Variants in NDUFA7 observed in about 807,000 individuals in gnomAD.
The protein encoded by NDUFA7 is NADH:ubiquinone oxidoreductase subunit A7.
A neutral mutation model predicts 14.2 loss-of-function variants in NDUFA7; 18 were observed. The ratio of observed to expected loss-of-function variants is 1.27; its 90% CI spans 0.88 to 1.88. The LOEUF is 1.88. NDUFA7 is among the 40% of genes most tolerant of loss of function. NDUFA7 has a pLI of 0.00. For missense variants in NDUFA7, 172 were observed against 147.3 expected (o/e 1.17, Z -0.87); for synonymous variants, 75 against 62.1 (o/e 1.21, Z -0.98).
chr19:8,312,709 T>C (rs764614969), intron 3 of NDUFA7, among the ~76,000 whole-genome samples: 2 of 152,208 alleles, frequency 1.3e-5, no homozygotes, highest in Non-Finnish European at 2.9e-5. Context: ...TCACCCAGGC[T>C]GGAGTGCAGT....
intron 3 of NDUFA7, among the ~76,000 whole-genome samples, chr19:8,312,504 A>C (rs1170958656): frequency 6.6e-6 from 1 of 152,198 alleles, no homozygotes; most frequent in Non-Finnish European, 1.5e-5. Context: ...TTTTTGAGAC[A>C]GACTCTTGCT....
chr19:8,319,742 A>T (rs1196597428), intron 2 of NDUFA7, among the ~76,000 whole-genome samples: 1 of 151,980 alleles, frequency 6.6e-6, no homozygotes, highest in East Asian at 1.9e-4. Context: ...TTATACCATT[A>T]TCCCTTTCCC....
At position 8,314,422 on chromosome 19, in the gene NDUFA7, A is replaced by G. The variant is rs540660760; in HGVS notation, c.251+2074T>C. ...CCCCGGACTTCATCTGTTTTGTAGG[A>G]TGCAGAGTCCTGGCTGAGGCGCTAA... On this transcript the variant is annotated intron_variant, in intron 3 of 3. Coordinates refer to ENST00000301457, the MANE Select transcript of NDUFA7 (RefSeq NM_005001.5). 3.4e-4 allele frequency among the ~76,000 whole-genome samples: 52 copies of G among 152,290 alleles called. 1 individual carries two copies. Among genetic ancestry groups the G allele is most frequent in the African/African-American group, 1.3e-3 (52 of 41,556 alleles).
chr19:8,313,885 TATTA>T (rs1203103889), intron 3 of NDUFA7, among the ~76,000 whole-genome samples: 1 of 152,240 alleles, frequency 6.6e-6, no homozygotes, highest in Non-Finnish European at 1.5e-5. Context: ...AGTTTACAAA[TATTA>T]ATTATGAGGA....
rs546380229 is a variant in NDUFA7 at position 8,317,851 on chromosome 19, T to G, written c.102-1206A>C. 1.4e-3 allele frequency among the ~76,000 whole-genome samples: 218 copies of G among 152,248 alleles called. 11 individuals carry two copies. In the South Asian group the frequency reaches 0.044, roughly 31 times the overall value. Reference sequence around the variant, plus strand: ...GCTAAAAACAATTTTTCTATTGTTTTTGTGGAGTCGGGGGTCTTGCTATGT... The same window carrying G: ...GCTAAAAACAATTTTTCTATTGTTTGTGTGGAGTCGGGGGTCTTGCTATGT... On this transcript the variant is annotated intron_variant, in intron 2 of 3. Transcript: ENST00000301457.
rs1970266128 is a variant in NDUFA7 at position 8,318,788 on chromosome 19, T to C, written c.101+2069A>G. Among the ~76,000 whole-genome samples, 3 of 147,186 alleles carry C rather than the reference T, an allele frequency of 2.0e-5. No individual in the cohort carries two copies. The South Asian group carries it at 6.5e-4, about 32-fold the overall frequency. ...AGAGATCAGACCATCCTGGCAAACA[T>C]GGTGAAACCCCGTCACTACTAAAAA... On this transcript the variant is annotated intron_variant, in intron 2 of 3. Transcript: ENST00000301457.
intron 1 of NDUFA7, 115 bp downstream of exon 1, chr19:8,321,193 G>T (rs1970304051): frequency 1.6e-6 from 2 of 1,277,358 alleles, no homozygotes; most frequent in Non-Finnish European, 2.1e-6. Context: ...GGTTCCCAGG[G>T]AGATTCGGGG....
At chr19:8,315,774 G>A (rs574886401) in intron 3 of NDUFA7, among the ~76,000 whole-genome samples, 4 of 152,116 alleles carry the variant, frequency 2.6e-5, no homozygotes, top group African/African-American at 9.6e-5. Flanking sequence ...TCCACCTAAC[G>A]AGGAACACCC....
chr19:8,316,462 G>C (rs760613363), intron 3 of NDUFA7, 34 bp downstream of exon 3: 2 of 1,609,446 alleles, frequency 1.2e-6, no homozygotes, highest in Admixed American at 3.3e-5. Flanking sequence ...GAGGGGGCAT[G>C]GGGGCTGTGG....
chr19:8,320,453 T>C (rs1248080383), intron 2 of NDUFA7, among the ~76,000 whole-genome samples: 1 of 152,106 alleles, frequency 6.6e-6, no homozygotes, highest in African/African-American at 2.4e-5. Flanking sequence ...CTTGTAAATA[T>C]CAACTAATAT....
At chr19:8,318,219 C>T (rs1026652394) in intron 2 of NDUFA7, among the ~76,000 whole-genome samples, 5 of 151,572 alleles carry the variant, frequency 3.3e-5, no homozygotes, top group African/African-American at 9.7e-5. Flanking sequence ...GGTGCGATCT[C>T]GGCTCACTGC....
downstream of NDUFA7, among the ~76,000 whole-genome samples, chr19:8,309,240 C>T (rs1052407835): frequency 6.6e-6 from 1 of 151,778 alleles, no homozygotes; most frequent in Non-Finnish European, 1.5e-5. Context: ...TTTGGGAGGC[C>T]GAGGCAGGCG....
chr19:8,318,663 C>CA (rs35904087), intron 2 of NDUFA7, among the ~76,000 whole-genome samples: 587 of 41,112 alleles, frequency 0.014, 71 homozygotes, highest in Non-Finnish European at 0.021. Context: ...CCCAGTCTTA[C>CA]AAAAAAAAAA....
intron 2 of NDUFA7, among the ~76,000 whole-genome samples, chr19:8,319,119 T>TG (rs554836889): frequency 7.5e-5 from 9 of 120,168 alleles, no homozygotes; most frequent in Non-Finnish European, 1.6e-4. Flanking sequence ...GGTCGGGGGT[T>TG]GGGGGGGAGA....
At chr19:8,316,465 G>A (rs1406353903) in intron 3 of NDUFA7, 31 bp downstream of exon 3, 2 of 1,611,528 alleles carry the variant, frequency 1.2e-6, no homozygotes, top group Non-Finnish European at 1.7e-6. Flanking sequence ...GGGGCATGGG[G>A]GCTGTGGTGA....
At position 8,311,516 on chromosome 19, in the gene NDUFA7, G is replaced by T; in HGVS notation, c.331C>A (p.Pro111Thr). 6.2e-7 allele frequency: 1 copy of T among 1,610,306 alleles called. No individual in the cohort carries two copies. Among genetic ancestry groups the T allele is most frequent in the South Asian group, 1.1e-5 (1 of 90,692 alleles). ...IKRWELSSDQ[P>T]YL ...GTGAGGGTGCAGTGTCACAGGTAAG[G>T]CTGGTCCGAGGACAGCTCCCACCTC... Residue 111 changes from proline (P) to threonine (T), a missense_variant, in exon 4 of 4, where the codon CCT becomes ACT. Physicochemically the swap from Pro to Thr is conservative, Grantham distance 38 (BLOSUM62 -1). Transcript: ENST00000301457.
In NDUFA7 at chr19:8,321,343, G is replaced by T. The variant is rs553849517; in HGVS notation, c.16C>A (p.Arg6Ser). Residue 6 changes from arginine (R) to serine (S), a missense_variant, in exon 1 of 4, where the codon CGT becomes AGT. By Grantham distance (110) the Arg-to-Ser change is moderately radical. Coordinates refer to ENST00000301457, the MANE Select transcript of NDUFA7 (RefSeq NM_005001.5). The part of the protein sequence containing the change: MASAT[R>S]LIQRLRNWAS... ...CAGTTCCGCAGCCGCTGGATGAGAC[G>T]GGTGGCGGACGCCATCTTCCGTCCG... The T allele has an allele frequency of 1.3e-6, 2 of 1,578,502 alleles. No homozygotes were observed. Among genetic ancestry groups the T allele is most frequent in the African/African-American group, 1.3e-5 (1 of 74,532 alleles).
chr19:8,313,655 C>G (rs1284323349), intron 3 of NDUFA7, among the ~76,000 whole-genome samples: 1 of 152,244 alleles, frequency 6.6e-6, no homozygotes, highest in African/African-American at 2.4e-5. Flanking sequence ...GGCTGAGGGA[C>G]TGCCCACACC....
intron 3 of NDUFA7, among the ~76,000 whole-genome samples, chr19:8,313,375 C>T (rs1048451366): frequency 1.3e-5 from 2 of 152,012 alleles, no homozygotes; most frequent in Admixed American, 6.6e-5. Context: ...GGACTACAGG[C>T]GCCCACCACC....
Sources: allele counts gnomAD v4.1 joint callset (sites outside exome capture counted in the v4.1 genomes callset), GRCh38; gene constraint gnomAD v4.1.1; transcripts MANE v1.5; gene names NCBI Gene and HGNC (gene_info 2026-07-23, HGNC 2026-07-21).